LIPK: variants seen among roughly 807,000 people sequenced by gnomAD.
The protein encoded by LIPK is lipase member K.
LIPK carries 32 observed loss-of-function variants against 48.6 expected under a neutral mutation model. That is an observed-to-expected ratio of 0.66 (90% CI 0.50 to 0.88). The LOEUF (loss-of-function observed/expected upper bound fraction) is 0.88. LIPK is among the 40% of genes least tolerant of loss of function. The pLI, the probability that LIPK is intolerant of heterozygous loss-of-function variation, is 0.00. For synonymous variants in LIPK, 164 were observed against 157.4 expected, an observed-to-expected ratio of 1.04 and a Z score of -0.32; for missense variants, 507 against 478.5, an observed-to-expected ratio of 1.06 and a Z score of -0.56.
At chr10:88,721,825 A>G (rs1352732066) in intron 1 of LIPK, among the ~76,000 whole-genome samples, 1 of 152,216 alleles carries the variant, frequency 6.6e-6, no homozygotes, top group African/African-American at 2.4e-5. Flanking sequence ...AAGCCTTGAG[A>G]GAGAAGACCA....
At chr10:88,734,875 C>A (rs1405463924) in intron 6 of LIPK, among the ~76,000 whole-genome samples, 1 of 152,176 alleles carries the variant, frequency 6.6e-6, no homozygotes, top group Admixed American at 6.5e-5. Flanking sequence ...GGCTTTCTTT[C>A]TCCTCTCCTC....
At chr10:88,729,290 G>A (rs1842418769) in intron 3 of LIPK, among the ~76,000 whole-genome samples, 2 of 142,414 alleles carry the variant, frequency 1.4e-5, no homozygotes, top group Admixed American at 7.8e-5. Flanking sequence ...TCATTTCCCA[G>A]AAACTATTTG....
chr10:88,738,786 T>C (rs1842624136), intron 7 of LIPK, among the ~76,000 whole-genome samples: 1 of 152,234 alleles, frequency 6.6e-6, no homozygotes, highest in Non-Finnish European at 1.5e-5. Context: ...TGGACACCTT[T>C]TGTCAGATCA....
intron 6 of LIPK, among the ~76,000 whole-genome samples, chr10:88,737,282 T>C (rs1243285891): frequency 2.0e-5 from 3 of 152,336 alleles, no homozygotes; most frequent in African/African-American, 7.2e-5. Flanking sequence ...TTCCATTTTA[T>C]AGATGAGAAA....
chr10:88,708,123 A>T (rs1841968065), intron 1 of LIPK, among the ~76,000 whole-genome samples: 1 of 152,206 alleles, frequency 6.6e-6, no homozygotes, highest in African/African-American at 2.4e-5. Context: ...AACAAAAACT[A>T]TGCGATACTG....
In LIPK at chr10:88,724,720, G is replaced by A. The variant is rs1842300654; in HGVS notation, c.105+72G>A. On this transcript the variant is annotated intron_variant, in intron 2 of 9. Transcript: ENST00000404190. ...TATTTCAGCATTTTAGATACAACTG[G>A]TGTGCCTTCTTAGTTTTCAGCAATT... 4.7e-6 allele frequency: 5 copies of A among 1,060,860 alleles called. No homozygotes were observed. The South Asian group carries it at 6.3e-5, about 13-fold the overall frequency. The allele number at this position is 1,060,860 out of a possible 1,614,324, so 65.7% of individuals were successfully genotyped here. A position where few individuals can be genotyped will look rare whatever the true frequency, so the allele number is the denominator to read the frequency against.
chr10:88,711,528 A>G (rs1487252506), intron 1 of LIPK, among the ~76,000 whole-genome samples: 1 of 152,196 alleles, frequency 6.6e-6, no homozygotes, highest in Non-Finnish European at 1.5e-5. Flanking sequence ...GCTGGAGTGC[A>G]GTGGCACAAT....
chr10:88,730,533 G>T (rs1325538830), intron 3 of LIPK, among the ~76,000 whole-genome samples: 1 of 152,088 alleles, frequency 6.6e-6, no homozygotes, highest in Non-Finnish European at 1.5e-5. Context: ...CTCGTGATCT[G>T]CCCGCCTCAG....
At chr10:88,749,133 G>A (rs991324730) in intron 9 of LIPK, among the ~76,000 whole-genome samples, 4 of 151,958 alleles carry the variant, frequency 2.6e-5, no homozygotes, top group African/African-American at 9.7e-5. Context: ...TGATACAAAT[G>A]GAAAAACATT....
In LIPK at chr10:88,726,927, G is replaced by T. The variant is rs543270213; in HGVS notation, c.223+15G>T. ...AGGGAGGACAGGTATTATTTATTTTGTTATGAAAGGAAAAATACTTAAAGC... is the reference window on the plus strand; with the variant it reads ...AGGGAGGACAGGTATTATTTATTTTTTTATGAAAGGAAAAATACTTAAAGC... On this transcript the variant is annotated intron_variant, in intron 3 of 9. Coordinates refer to ENST00000404190, the MANE Select transcript of LIPK (RefSeq NM_001080518.2). The T allele has an allele frequency of 1.4e-6, 2 of 1,422,332 alleles. No individual in the cohort carries two copies. The highest frequency in any genetic ancestry group is 1.4e-5 in the African/African-American group (1 of 70,980). 88.1% of individuals were successfully genotyped at this position (1,422,332 alleles called of 1,614,324 possible).
At chr10:88,737,508 A>C in intron 6 of LIPK, 127 bp from the exon 7 acceptor site, 1 of 915,394 alleles carries the variant, frequency 1.1e-6, no homozygotes, top group Non-Finnish European at 1.6e-6. Flanking sequence ...AAGCCTCATG[A>C]TTTCACTAAG....
chr10:88,721,812 T>C lies in LIPK; in HGVS notation c.-11-2721T>C, dbSNP rs532709053. On this transcript the variant is annotated intron_variant, in intron 1 of 9. Transcript: ENST00000404190. ...AGCAGAAATGAGACCATGTTAACTG[T>C]CAAAGCCTTGAGAGAGAAGACCAAT... Among the ~76,000 whole-genome samples, 21 of 152,292 alleles carry C rather than the reference T, an allele frequency of 1.4e-4. No homozygotes were observed. In the East Asian group the frequency reaches 2.7e-3, roughly 20 times the overall value.
intron 1 of LIPK, among the ~76,000 whole-genome samples, chr10:88,709,197 G>T (rs1236710434): frequency 6.6e-6 from 1 of 152,152 alleles, no homozygotes; most frequent in East Asian, 1.9e-4. Context: ...TGAGTGCTGA[G>T]AAACCATGTT....
At position 88,721,246 on chromosome 10, in the gene LIPK, A is replaced by G. The variant is rs555007937; in HGVS notation, c.-11-3287A>G. Among the ~76,000 whole-genome samples, 14 of 152,346 alleles carry G rather than the reference A, an allele frequency of 9.2e-5. No individual in the cohort carries two copies. The South Asian group carries it at 2.7e-3, about 29-fold the overall frequency. ...TGGGACACATGAGAAGGCAATATTC[A>G]TCAGGGAGCTGTCACAGAAACAGGT... is the stretch of plus-strand genomic sequence containing the variant. On this transcript the variant is annotated intron_variant, in intron 1 of 9. Coordinates refer to ENST00000404190, the MANE Select transcript of LIPK (RefSeq NM_001080518.2).
intron 1 of LIPK, among the ~76,000 whole-genome samples, chr10:88,709,993 G>A (rs1841998882): frequency 6.6e-6 from 1 of 151,858 alleles, no homozygotes; most frequent in Admixed American, 6.6e-5. Flanking sequence ...GAAAGTTATT[G>A]TATACTCTAT....
chr10:88,732,162 T>C lies in LIPK; in HGVS notation c.423-16T>C. 1 of 1,554,628 alleles carries C rather than the reference T, an allele frequency of 6.4e-7. No individual in the cohort carries two copies. Among genetic ancestry groups the C allele is most frequent in the East Asian group, 2.2e-5 (1 of 44,582 alleles). The stretch of plus-strand genomic sequence containing the variant: ...TGAGATGACTTTTCTAATTTGTTAT[T>C]CCTTCTTTTTGATAGTTTGGATGAG... On this transcript the variant is annotated splice_polypyrimidine_tract_variant and intron_variant, in intron 4 of 9. Coordinates refer to ENST00000404190, the MANE Select transcript of LIPK (RefSeq NM_001080518.2).
At chr10:88,730,336 C>G (rs1244145024) in intron 3 of LIPK, among the ~76,000 whole-genome samples, 2 of 152,142 alleles carry the variant, frequency 1.3e-5, no homozygotes, top group Non-Finnish European at 2.9e-5. Context: ...GTCGCCCAGG[C>G]TGGAGTGCAG....
At chr10:88,738,106 C>A (rs1375515838) in intron 7 of LIPK, among the ~76,000 whole-genome samples, 1 of 152,158 alleles carries the variant, frequency 6.6e-6, no homozygotes, top group Non-Finnish European at 1.5e-5. Context: ...GGGGGTGAGT[C>A]CAGACATTTG....
At chr10:88,732,584 A>T (rs780797793) in intron 6 of LIPK, 33 bp downstream of exon 6, 18 of 1,572,348 alleles carry the variant, frequency 1.1e-5, no homozygotes, top group Non-Finnish European at 1.5e-5. Flanking sequence ...ATCTGAAATA[A>T]CTAAAAGTAG....
Sources: gnomAD v4.1 joint callset for allele counts (sites outside exome capture counted in the v4.1 genomes callset) on GRCh38, gnomAD v4.1.1 for gene constraint, MANE v1.5 for transcripts, NCBI Gene and HGNC (gene_info 2026-07-23, HGNC 2026-07-21) for gene names.